The following PAPPA variants were observed in gnomAD, a reference collection of about 807,000 sequenced individuals.
PAPPA encodes pappalysin-1.
A neutral mutation model predicts 164.0 loss-of-function variants in PAPPA; 60 were observed. The observed-to-expected ratio is 0.37, with a 90% CI of 0.30 to 0.45. The LOEUF (loss-of-function observed/expected upper bound fraction) is 0.45, where lower values mean the gene tolerates loss of function less well. Ranked by LOEUF, PAPPA falls within the 20% of genes least tolerant of loss-of-function variation. PAPPA has a pLI of 1.00. For synonymous variants in PAPPA, 875 were observed against 814.1 expected (o/e 1.07, Z -1.27); for missense variants, 1,782 against 2,087.3 (o/e 0.85, Z 2.85).
chr9:116,398,886 CA>C lies in PAPPA; in HGVS notation c.*2271del, dbSNP rs1847005970. 2.8e-6 allele frequency: 1 copy of C among 360,468 alleles called. No homozygotes were observed. Among genetic ancestry groups the C allele is most frequent in the African/African-American group, 2.1e-5 (1 of 46,782 alleles). The allele number at this position is 360,468 out of a possible 1,614,324, so 22.3% of individuals were successfully genotyped here. ...ATTGATCCTATTTTGAACCCCTCTC[CA>C]GTATCTTCACACTCTTGTCAACTCT... On this transcript the variant is annotated 3_prime_UTR_variant, in exon 22 of 22. Coordinates refer to ENST00000328252, the MANE Select transcript of PAPPA (RefSeq NM_002581.5).
At chr9:116,353,481 G>T in intron 16 of PAPPA, 141 bp from the exon 17 acceptor site, 1 of 696,104 alleles carries the variant, frequency 1.4e-6, no homozygotes, top group South Asian at 1.8e-5. Context: ...TCCTGCACGG[G>T]TCCCACCAGA....
intron 19 of PAPPA, chr9:116,373,434 A>G (rs937179933): frequency 9.9e-5 from 15 of 152,126 alleles, no homozygotes; most frequent in Non-Finnish European, 1.9e-4. Context: ...AATAATAATA[A>G]TAATAATAAC....
At chr9:116,278,920 TC>T (rs1255379618) in intron 9 of PAPPA, among the ~76,000 whole-genome samples, 1 of 152,216 alleles carries the variant, frequency 6.6e-6, no homozygotes, top group Non-Finnish European at 1.5e-5. Flanking sequence ...ATCAAGGATG[TC>T]AGTTAACGCC....
intron 5 of PAPPA, among the ~76,000 whole-genome samples, chr9:116,222,712 C>T (rs1461343002): frequency 6.9e-6 from 1 of 145,796 alleles, no homozygotes; most frequent in African/African-American, 2.8e-5. Flanking sequence ...GGGAAAGGGA[C>T]GATGTTGATC....
intron 13 of PAPPA, among the ~76,000 whole-genome samples, chr9:116,335,371 C>A (rs1184879007): frequency 1.3e-5 from 2 of 152,116 alleles, no homozygotes; most frequent in Non-Finnish European, 2.9e-5. Context: ...CTTCTCTGAG[C>A]TTCAGTGTCC....
At chr9:116,237,724 T>C (rs942001425) in intron 7 of PAPPA, among the ~76,000 whole-genome samples, 7 of 152,036 alleles carry the variant, frequency 4.6e-5, no homozygotes, top group Admixed American at 3.3e-4. Flanking sequence ...CTCTCTCTTT[T>C]TTTTTTTTTC....
chr9:116,207,343 T>C, intron 2 of PAPPA, 113 bp from the exon 3 acceptor site: 1 of 768,446 alleles, frequency 1.3e-6, no homozygotes. Context: ...AAGGTAGTAT[T>C]TTTAAAGTGC....
chr9:116,314,060 C>CTTTTTTTTTTTTTTTTTTTTTTTTTTTT lies in PAPPA; in HGVS notation c.3147+11113_3147+11140dup, dbSNP rs57871796. Among the ~76,000 whole-genome samples the CTTTTTTTTTTTTTTTTTTTTTTTTTTTT allele has an allele frequency of 2.9e-5, 2 of 69,698 alleles. 1 individual carries two copies. The highest frequency in any genetic ancestry group is 9.2e-4 in the East Asian group (2 of 2,174). The allele number at this position is 69,698 out of a possible 152,430, so 45.7% of individuals were successfully genotyped here. On this transcript the variant is annotated intron_variant, in intron 10 of 21. Transcript: ENST00000328252. Reference sequence around the variant, plus strand: ...ATTCAGTTCTGTCATTGCATCGAATCTTTTTTTTTTTTTTTTTTTTTTTTT... The same window carrying CTTTTTTTTTTTTTTTTTTTTTTTTTTTT: ...ATTCAGTTCTGTCATTGCATCGAATCTTTTTTTTTTTTTTTTTTTTTTTTTTTTTTTTTTTTTTTTTTTTTTTTTTTTT...
chr9:116,327,233 G>A (rs1027901084), intron 10 of PAPPA, among the ~76,000 whole-genome samples: 7 of 152,172 alleles, frequency 4.6e-5, no homozygotes, highest in African/African-American at 1.4e-4. Context: ...ACAGAGAGGG[G>A]AAAAAGGGTT....
chr9:116,353,559 T>G, intron 16 of PAPPA, 63 bp from the exon 17 acceptor site: 1 of 1,439,824 alleles, frequency 6.9e-7, no homozygotes, highest in Non-Finnish European at 9.6e-7. Context: ...GTGGTGTTCA[T>G]GCAGGGCATG....
chr9:116,187,698 G>T lies in PAPPA; in HGVS notation c.960G>T (p.Thr320=). The change falls in exon 2 of 22, where the codon ACG becomes ACT. Residue 320 remains threonine, a synonymous_variant. Transcript: ENST00000328252. This position sits in a 1 kb window ranked among gnomAD's most constrained non-coding sequence, Gnocchi z 4.2. ...FSNAHGFLLD[T]SLEPPLCGQT... is the part of the protein sequence containing the mutation. ...ATGCCCACGGCTTTCTGCTGGACAC[G>T]AGTCTGGAGCCTCCTCTGTGCGGAC... The T allele has an allele frequency of 6.2e-7, 1 of 1,614,248 alleles. No individual in the cohort carries two copies.
At chr9:116,174,227 A>C (rs949847783) in intron 1 of PAPPA, among the ~76,000 whole-genome samples, 2 of 152,132 alleles carry the variant, frequency 1.3e-5, no homozygotes, top group Non-Finnish European at 2.9e-5. Context: ...CTAGAAAGGT[A>C]ATTCTGGAGG....
chr9:116,265,707 G>A (rs1368703777), intron 7 of PAPPA, 150 bp from the exon 8 acceptor site: 2 of 587,168 alleles, frequency 3.4e-6, no homozygotes, highest in Non-Finnish European at 6.0e-6. Context: ...AGCCATAGTG[G>A]ACAATAGAAA....
intron 13 of PAPPA, among the ~76,000 whole-genome samples, chr9:116,342,767 C>G (rs1273357148): frequency 6.6e-6 from 1 of 152,138 alleles, no homozygotes; most frequent in African/African-American, 2.4e-5. Flanking sequence ...CCTTGAGGTT[C>G]TAGATGTAAA....
In PAPPA at chr9:116,187,093, C is replaced by T. The variant is rs1046740141; in HGVS notation, c.416-61C>T. 4.9e-6 allele frequency: 6 copies of T among 1,229,118 alleles called. No homozygotes were observed. The African/African-American group carries it at 7.5e-5, about 15-fold the overall frequency. The allele number at this position is 1,229,118 out of a possible 1,614,324, so 76.1% of individuals were successfully genotyped here. A position where few individuals can be genotyped will look rare whatever the true frequency, so the allele number is the denominator to read the frequency against. ...TACAAATTTTATTAGAGAAAAATAACTTAACCCCCCCTCCTTTTCCATCCT... is the reference window on the plus strand; with the variant it reads ...TACAAATTTTATTAGAGAAAAATAATTTAACCCCCCCTCCTTTTCCATCCT... On this transcript the variant is annotated intron_variant, in intron 1 of 21. Coordinates refer to ENST00000328252, the MANE Select transcript of PAPPA (RefSeq NM_002581.5). The surrounding 1 kb of genome is among the most constrained non-coding windows in gnomAD (Gnocchi z 4.2).
intron 1 of PAPPA, among the ~76,000 whole-genome samples, chr9:116,181,807 G>A (rs1202864751): frequency 1.3e-5 from 2 of 152,258 alleles, no homozygotes; most frequent in African/African-American, 4.8e-5. Context: ...CAAACTTTGG[G>A]TTCTAGCGAA....
chr9:116,345,305 G>A (rs1178322175), intron 14 of PAPPA, among the ~76,000 whole-genome samples: 1 of 152,090 alleles, frequency 6.6e-6, no homozygotes, highest in African/African-American at 2.4e-5. Flanking sequence ...AGAGATTCAA[G>A]GGAGGTGCCT....
intron 19 of PAPPA, among the ~76,000 whole-genome samples, chr9:116,374,173 ATGATGATGATGGTGG>A (rs60100759): frequency 0.085 from 11,882 of 139,418 alleles, 535 homozygotes; most frequent in Admixed American, 0.12. Flanking sequence ...GGTGGTGTTG[ATGATGATGATGGTGG>A]TGATGATGAT....
intron 4 of PAPPA, among the ~76,000 whole-genome samples, chr9:116,216,102 A>T (rs1844368025): frequency 6.6e-6 from 1 of 152,190 alleles, no homozygotes; most frequent in African/African-American, 2.4e-5. Context: ...ATTATTATCT[A>T]CATCTATTAT....
Sources: allele counts gnomAD v4.1 joint callset (sites outside exome capture counted in the v4.1 genomes callset), GRCh38; gene constraint gnomAD v4.1.1; non-coding constraint Gnocchi (gnomAD v3.1); transcripts MANE v1.5; gene names NCBI Gene and HGNC (gene_info 2026-07-23, HGNC 2026-07-21).